Variants in SORCS2 observed in about 807,000 individuals in gnomAD.
SORCS2 encodes sortilin related VPS10 domain containing receptor 2, also known as VPS10 domain-containing receptor SorCS2.
SORCS2 carries 100 observed loss-of-function variants against 141.6 expected under a neutral mutation model. The observed-to-expected ratio is 0.71, with a 90% CI of 0.60 to 0.83. SORCS2 has a LOEUF of 0.83. SORCS2 is among the 40% of genes least tolerant of loss of function. The pLI, the probability that SORCS2 is intolerant of heterozygous loss-of-function variation, is 0.00. For missense variants in SORCS2, 1,646 were observed against 1,560.2 expected (o/e 1.05, Z -0.93); for synonymous variants, 789 against 676.9 (o/e 1.17, Z -2.57).
chr4:7,716,682 A>ACCAT (rs1553806170), intron 17 of SORCS2, among the ~76,000 whole-genome samples: 3 of 47,406 alleles, frequency 6.3e-5, no homozygotes, highest in Non-Finnish European at 1.2e-4. Context: ...TCATTCATTC[A>ACCAT]CCGTCCATCC....
chr4:7,487,425 TCC>T (rs1286491078), intron 2 of SORCS2, among the ~76,000 whole-genome samples: 1 of 152,172 alleles, frequency 6.6e-6, no homozygotes, highest in Non-Finnish European at 1.5e-5. Flanking sequence ...CACTTCCCCC[TCC>T]CCTTGTCTGG....
At chr4:7,510,695 G>A (rs1246844106) in intron 2 of SORCS2, among the ~76,000 whole-genome samples, 14 of 149,040 alleles carry the variant, frequency 9.4e-5, no homozygotes, top group Non-Finnish European at 2.1e-4. Context: ...ACCTTGTTCT[G>A]GGCGCGGCAT....
chr4:7,737,054 G>T lies in SORCS2; in HGVS notation c.3312-15G>T. ...AGCCCCTCCAAGCTGAGCCGCCCTT[G>T]CCTCTGTCCAGCAGGAAACGGCCAG... On this transcript the variant is annotated splice_polypyrimidine_tract_variant and intron_variant, in intron 25 of 26. Transcript: ENST00000507866. 6.4e-7 allele frequency: 1 copy of T among 1,550,794 alleles called. No homozygotes were observed. The highest frequency in any genetic ancestry group is 2.4e-5 in the East Asian group (1 of 40,890).
chr4:7,640,048 AGTGT>A (rs534541118), intron 4 of SORCS2, among the ~76,000 whole-genome samples: 3 of 126,004 alleles, frequency 2.4e-5, no homozygotes, highest in South Asian at 5.5e-4. Context: ...CATGTGTGAG[AGTGT>A]GAGTGTGTGT....
intron 2 of SORCS2, among the ~76,000 whole-genome samples, chr4:7,503,360 T>C (rs914261574): frequency 1.6e-4 from 25 of 152,300 alleles, no homozygotes; most frequent in Non-Finnish European, 3.5e-4. Flanking sequence ...TCCCAGAAGT[T>C]TGAGGTTGGC....
chr4:7,456,478 GA>G lies in SORCS2; in HGVS notation c.548+60124del, dbSNP rs752931357. 3.3e-3 allele frequency among the ~76,000 whole-genome samples: 490 copies of G among 148,212 alleles called. 1 individual carries two copies. Among genetic ancestry groups the G allele is most frequent in the South Asian group, 0.017 (83 of 4,782 alleles). The stretch of plus-strand genomic sequence containing the variant: ...TCCCACCCATAAGCCTGAAGGGTGA[GA>G]GGGGGGGGGCCTCCTTTTGAGGACA... On this transcript the variant is annotated intron_variant, in intron 2 of 26. Coordinates refer to ENST00000507866, the MANE Select transcript of SORCS2 (RefSeq NM_020777.3).
intron 1 of SORCS2, among the ~76,000 whole-genome samples, chr4:7,199,936 G>T (rs1727394734): frequency 2.6e-5 from 4 of 152,088 alleles, no homozygotes; most frequent in African/African-American, 9.7e-5. Flanking sequence ...ACACTCCCGG[G>T]GAATGCGAGC....
At chr4:7,545,906 A>G (rs936934808) in intron 3 of SORCS2, among the ~76,000 whole-genome samples, 1 of 152,238 alleles carries the variant, frequency 6.6e-6, no homozygotes, top group African/African-American at 2.4e-5. Flanking sequence ...TGAAAGTCCA[A>G]CATCAAGGTT....
At chr4:7,380,897 C>G (rs2109068263) in intron 1 of SORCS2, among the ~76,000 whole-genome samples, 1 of 152,266 alleles carries the variant, frequency 6.6e-6, no homozygotes, top group Middle Eastern at 3.4e-3. Context: ...GCCTGGCCAA[C>G]ACGGTGAAAC....
intron 3 of SORCS2, among the ~76,000 whole-genome samples, chr4:7,577,665 T>A (rs1467738051): frequency 6.7e-6 from 1 of 148,830 alleles, no homozygotes; most frequent in Non-Finnish European, 1.5e-5. Context: ...GGAGAAGTCA[T>A]ATAGCATACA....
chr4:7,647,865 G>A (rs141998884), intron 4 of SORCS2, among the ~76,000 whole-genome samples: 2 of 152,224 alleles, frequency 1.3e-5, no homozygotes, highest in Admixed American at 6.5e-5. Flanking sequence ...TGAGAGCTCC[G>A]GGTGTGTTCA....
chr4:7,244,573 G>A (rs1025250141), intron 1 of SORCS2, among the ~76,000 whole-genome samples: 7 of 152,242 alleles, frequency 4.6e-5, no homozygotes, highest in African/African-American at 9.6e-5. Flanking sequence ...TGAAGCAGGC[G>A]TGGTGTGGGT....
chr4:7,558,461 G>C (rs552486416), intron 3 of SORCS2, among the ~76,000 whole-genome samples: 1 of 152,332 alleles, frequency 6.6e-6, no homozygotes, highest in African/African-American at 2.4e-5. Context: ...AGACCCAGAT[G>C]ATCCTGCCCC....
At chr4:7,466,130 G>A (rs1279771776) in intron 2 of SORCS2, among the ~76,000 whole-genome samples, 1 of 152,222 alleles carries the variant, frequency 6.6e-6, no homozygotes, top group Non-Finnish European at 1.5e-5. Context: ...TCTCTGAGTG[G>A]TTTCTGCTGG....
At chr4:7,699,350 C>T (rs893883267) in intron 12 of SORCS2, among the ~76,000 whole-genome samples, 54 of 152,166 alleles carry the variant, frequency 3.5e-4, no homozygotes, top group African/African-American at 1.3e-3. Context: ...CCAGGATGGC[C>T]AGGAGGCACT....
intron 1 of SORCS2, among the ~76,000 whole-genome samples, chr4:7,378,633 T>G (rs564334921): frequency 3.3e-5 from 5 of 152,262 alleles, no homozygotes; most frequent in Non-Finnish European, 5.9e-5. Flanking sequence ...GTGGAGATTA[T>G]TGCAATTCAA....
At chr4:7,693,794 T>C (rs1311142107) in intron 11 of SORCS2, among the ~76,000 whole-genome samples, 1 of 152,222 alleles carries the variant, frequency 6.6e-6, no homozygotes, top group African/African-American at 2.4e-5. Flanking sequence ...CACAGTCCCT[T>C]TTTTGGCGAC....
chr4:7,639,470 G>A (rs774004205), intron 4 of SORCS2, among the ~76,000 whole-genome samples: 6 of 151,746 alleles, frequency 4.0e-5, no homozygotes, highest in Non-Finnish European at 5.9e-5. Context: ...GGGTGTGTCA[G>A]TGTGAATGGG....
chr4:7,326,741 G>C (rs895660800), intron 1 of SORCS2, among the ~76,000 whole-genome samples: 4 of 152,260 alleles, frequency 2.6e-5, no homozygotes, highest in African/African-American at 9.6e-5. Flanking sequence ...ACAGCGGAGA[G>C]GCTGGAGGCG....
Sources: gnomAD v4.1 joint callset for allele counts (sites outside exome capture counted in the v4.1 genomes callset) on GRCh38, gnomAD v4.1.1 for gene constraint, MANE v1.5 for transcripts, NCBI Gene and HGNC (gene_info 2026-07-23, HGNC 2026-07-21) for gene names.